Variants in RYR2 observed in about 807,000 individuals in gnomAD.
RYR2 encodes cardiac muscle ryanodine receptor-calcium release channel.
In RYR2, 227 loss-of-function variants were observed where a neutral mutation model predicts 601.1. The ratio of observed to expected loss-of-function variants is 0.38; its 90% CI spans 0.34 to 0.42. RYR2 has a LOEUF of 0.42. RYR2 is among the 10% of genes least tolerant of loss of function. The pLI is 1.00. For missense variants in RYR2, 4,646 were observed against 6,156.5 expected (o/e 0.75, Z 8.21); for synonymous variants, 2,223 against 2,175.1 (o/e 1.02, Z -0.61).
At position 237,548,516 on chromosome 1, in the gene RYR2, A is replaced by G; in HGVS notation, c.2992A>G (p.Lys998Glu). 6.2e-7 allele frequency: 1 copy of G among 1,614,024 alleles called. No homozygotes were observed. The highest frequency in any genetic ancestry group is 1.7e-5 in the Admixed American group (1 of 60,016). ...CCCATCACAAGAAGCAATGGTGGAC[A>G]AGTTGGCAGAAAATGCACATAATGT... is the stretch of plus-strand genomic sequence containing the variant. ...LTPSQEAMVD[K>E]LAENAHNVWA... Residue 998 changes from lysine (K) to glutamate (E), a missense_variant, in exon 26 of 105, where the codon AAG becomes GAG. Lys to Glu is a moderately conservative substitution (Grantham distance 56). This residue lies in a region of RYR2 where 1,807 missense variants were observed against 2,088.1 expected (regional missense o/e 0.87). Coordinates refer to ENST00000366574, the MANE Select transcript of RYR2 (RefSeq NM_001035.3).
At chr1:237,478,138 C>G (rs1293077674) in intron 17 of RYR2, among the ~76,000 whole-genome samples, 1 of 152,174 alleles carries the variant, frequency 6.6e-6, no homozygotes, top group Non-Finnish European at 1.5e-5. Context: ...GGGTTCATCC[C>G]TACCAAGACT....
intron 1 of RYR2, among the ~76,000 whole-genome samples, chr1:237,215,557 C>G (rs951666762): frequency 1.3e-5 from 2 of 151,924 alleles, no homozygotes; most frequent in African/African-American, 4.8e-5. Flanking sequence ...CTATAGTAAG[C>G]ATTTTAAACT....
chr1:237,632,341 G>T (rs779683448), intron 42 of RYR2, among the ~76,000 whole-genome samples: 2 of 150,236 alleles, frequency 1.3e-5, no homozygotes, highest in African/African-American at 4.9e-5. Context: ...ATTGAGATTT[G>T]ATGATAATAC....
intron 24 of RYR2, among the ~76,000 whole-genome samples, chr1:237,516,736 C>T (rs1195005847): frequency 1.3e-5 from 2 of 152,200 alleles, no homozygotes; most frequent in Non-Finnish European, 2.9e-5. Flanking sequence ...TCCTGCTACA[C>T]ATGCCAGGAA....
At chr1:237,172,499 A>G (rs1317795462) in intron 1 of RYR2, among the ~76,000 whole-genome samples, 1 of 147,904 alleles carries the variant, frequency 6.8e-6, no homozygotes, top group African/African-American at 2.5e-5. Context: ...TACCTGTTTG[A>G]TTTTTTTTTT....
chr1:237,213,792 G>A (rs1444057841), intron 1 of RYR2, among the ~76,000 whole-genome samples: 2 of 151,076 alleles, frequency 1.3e-5, no homozygotes, highest in African/African-American at 4.9e-5. Flanking sequence ...CCCACTGTTA[G>A]GACTTAAATC....
intron 24 of RYR2, among the ~76,000 whole-genome samples, chr1:237,524,244 C>T (rs1354423729): frequency 1.3e-5 from 2 of 152,162 alleles, no homozygotes; most frequent in Non-Finnish European, 2.9e-5. Flanking sequence ...CAAACTACTG[C>T]CACAGACTCC....
chr1:237,733,315 A>G (rs146594465), intron 78 of RYR2, among the ~76,000 whole-genome samples: 1 of 152,184 alleles, frequency 6.6e-6, no homozygotes, highest in Non-Finnish European at 1.5e-5. Flanking sequence ...TTGTCATATC[A>G]TAATTTGGGG....
chr1:237,808,961 A>C lies in RYR2; in HGVS notation c.14359A>C (p.Asn4787His). The C allele has an allele frequency of 1.2e-6, 2 of 1,613,302 alleles. No individual in the cohort carries two copies. The highest frequency in any genetic ancestry group is 1.7e-6 in the Non-Finnish European group (2 of 1,179,266). ...VVYLYTVVAF[N>H]FFRKFYNKSE... is the part of the protein sequence containing the mutation. ...ATACCTATACACTGTGGTGGCATTC[A>C]ATTTTTTCCGAAAATTCTACAATAA... The change falls in exon 100 of 105, where the codon AAT (asparagine) becomes CAT (histidine). Residue 4787 changes from asparagine to histidine, a missense_variant. Transcript: ENST00000366574.
chr1:237,639,648 G>A (rs1011538243), intron 46 of RYR2, among the ~76,000 whole-genome samples: 7 of 152,160 alleles, frequency 4.6e-5, no homozygotes, highest in Non-Finnish European at 1.0e-4. Context: ...TTCATTCTGA[G>A]GAGTGTGATG....
intron 10 of RYR2, among the ~76,000 whole-genome samples, chr1:237,401,051 T>C (rs2149930802): frequency 6.6e-6 from 1 of 152,288 alleles, no homozygotes; most frequent in East Asian, 1.9e-4. Flanking sequence ...AGACCCAGCA[T>C]CAAATAATAT....
intron 24 of RYR2, among the ~76,000 whole-genome samples, chr1:237,513,357 C>T (rs2805428): frequency 0.7 from 107,012 of 152,136 alleles, 37,912 homozygotes; most frequent in African/African-American, 0.8. Context: ...TTTTATATTA[C>T]GTACAAAACT....
chr1:237,509,743 T>G (rs1383397414), intron 23 of RYR2, among the ~76,000 whole-genome samples: 2 of 152,212 alleles, frequency 1.3e-5, no homozygotes, highest in Non-Finnish European at 2.9e-5. Context: ...AGAAGTAATA[T>G]TTAGCTCTTC....
chr1:237,603,717 AGGGAT>A (rs1372277511), intron 35 of RYR2, among the ~76,000 whole-genome samples: 1 of 152,194 alleles, frequency 6.6e-6, no homozygotes, highest in Non-Finnish European at 1.5e-5. Flanking sequence ...CTCAAAATAA[AGGGAT>A]GGAGGAAGAT....
intron 29 of RYR2, 31 bp from the exon 30 acceptor site, chr1:237,589,762 T>C (rs1218368141): frequency 6.3e-7 from 1 of 1,581,734 alleles, no homozygotes; most frequent in African/African-American, 1.4e-5. Context: ...ATACTAATGG[T>C]ACTAAAACTT....
chr1:237,641,803 A>G (rs913626178), intron 47 of RYR2, among the ~76,000 whole-genome samples: 7 of 152,222 alleles, frequency 4.6e-5, no homozygotes, highest in Non-Finnish European at 8.8e-5. Flanking sequence ...CGGCCTCCCA[A>G]AGTGCTGGGC....
intron 42 of RYR2, among the ~76,000 whole-genome samples, chr1:237,631,995 A>G (rs926087728): frequency 1.3e-5 from 2 of 151,670 alleles, no homozygotes; most frequent in African/African-American, 4.8e-5. Context: ...TTTAAAGAAG[A>G]CTTTTTGAAA....
chr1:237,612,967 A>G (rs1678052966), intron 36 of RYR2, among the ~76,000 whole-genome samples: 1 of 152,242 alleles, frequency 6.6e-6, no homozygotes, highest in African/African-American at 2.4e-5. Context: ...TAGAAAATAT[A>G]TGGATAGGAA....
At chr1:237,547,888 T>C (rs1669987388) in intron 25 of RYR2, among the ~76,000 whole-genome samples, 1 of 152,160 alleles carries the variant, frequency 6.6e-6, no homozygotes, top group African/African-American at 2.4e-5. Flanking sequence ...TACTTTCTAG[T>C]CTCTATCTTA....
Sources: gnomAD v4.1 joint callset for allele counts (sites outside exome capture counted in the v4.1 genomes callset) on GRCh38, gnomAD v4.1.1 for gene constraint, gnomAD v4.1.1 regional missense constraint, MANE v1.5 for transcripts, NCBI Gene and HGNC (gene_info 2026-07-23, HGNC 2026-07-21) for gene names.